Variants in PAQR5 observed in about 807,000 individuals in gnomAD.
The protein encoded by PAQR5 is membrane progestin receptor gamma.
In PAQR5, 20 loss-of-function variants were observed where a neutral mutation model predicts 34.5. The ratio of observed to expected loss-of-function variants is 0.58; its 90% CI spans 0.41 to 0.84. The LOEUF (loss-of-function observed/expected upper bound fraction) is 0.84. Ranked by LOEUF, PAQR5 falls within the 40% of genes least tolerant of loss-of-function variation. The pLI, the probability that PAQR5 is intolerant of heterozygous loss-of-function variation, is 0.00. For synonymous variants in PAQR5, 131 were observed against 155.6 expected (o/e 0.84, Z 1.18); for missense variants, 378 against 412.7 (o/e 0.92, Z 0.73).
rs974386768 is a variant in PAQR5, at chr15:69,405,859, T to A, written c.*2037T>A. 6.6e-6 allele frequency: 1 copy of A among 152,240 alleles called. No homozygotes were observed. The highest frequency in any genetic ancestry group is 2.4e-5 in the African/African-American group (1 of 41,468). 9.4% of individuals were successfully genotyped at this position (152,240 alleles called of 1,614,324 possible). A position where few individuals can be genotyped will look rare whatever the true frequency, so the allele number is the denominator to read the frequency against. ...AAGATCCAGTGTTTCATAACATTTT[T>A]ATAAGTTTGGTAAACTTTAGTCCCA... On this transcript the variant is annotated 3_prime_UTR_variant, in exon 9 of 9. Transcript: ENST00000395407.
intron 3 of PAQR5, among the ~76,000 whole-genome samples, chr15:69,378,988 G>A: frequency 6.6e-6 from 1 of 152,144 alleles, no homozygotes; most frequent in East Asian, 1.9e-4. Context: ...CACAGAAGGG[G>A]AAAACAGGTC....
chr15:69,305,734 GGTGT>G (rs2053701270), intron 1 of PAQR5, among the ~76,000 whole-genome samples: 2 of 104 alleles, frequency 0.019, no homozygotes, highest in Admixed American at 0.12. Flanking sequence ...GTGGAGTGTG[GGTGT>G]TGTTAGACGC....
chr15:69,392,994 A>G (rs2056313596), intron 6 of PAQR5, among the ~76,000 whole-genome samples: 1 of 151,740 alleles, frequency 6.6e-6, no homozygotes, highest in African/African-American at 2.4e-5. Flanking sequence ...CTCATGAAGG[A>G]TGAGAATCTC....
intron 1 of PAQR5, among the ~76,000 whole-genome samples, chr15:69,336,806 G>T (rs1029726704): frequency 6.6e-6 from 1 of 152,328 alleles, no homozygotes; most frequent in East Asian, 1.9e-4. Context: ...TGTTCCAAAA[G>T]TTATGGGAAA....
intron 3 of PAQR5, among the ~76,000 whole-genome samples, chr15:69,377,403 C>T (rs1318512487): frequency 6.6e-6 from 1 of 152,226 alleles, no homozygotes; most frequent in Non-Finnish European, 1.5e-5. Flanking sequence ...AAGATTCCTG[C>T]TGCCCGTTAC....
At chr15:69,306,976 T>C (rs2053731124) in intron 1 of PAQR5, among the ~76,000 whole-genome samples, 1 of 152,238 alleles carries the variant, frequency 6.6e-6, no homozygotes, top group African/African-American at 2.4e-5. Context: ...TCACTTAGCA[T>C]AGTGTCTTCA....
intron 1 of PAQR5, among the ~76,000 whole-genome samples, chr15:69,317,254 C>A (rs2053974566): frequency 6.6e-6 from 1 of 152,216 alleles, no homozygotes; most frequent in Non-Finnish European, 1.5e-5. Flanking sequence ...GACTCTGGAG[C>A]CCAAATGCCA....
rs149230237 is a variant in PAQR5 at position 69,331,724 on chromosome 15, G to A, written c.-276-5617G>A. On this transcript the variant is annotated intron_variant, in intron 1 of 8. Transcript: ENST00000395407. The stretch of plus-strand genomic sequence containing the variant: ...CCCCACCTGGAGTGGATCAGAAACA[G>A]GGAGCAACGGGAAAAAGTTTGAGCT... Among the ~76,000 whole-genome samples, 712 of 152,286 alleles carry A rather than the reference G, an allele frequency of 4.7e-3. 13 individuals carry two copies. The highest frequency in any genetic ancestry group is 0.016 in the African/African-American group (663 of 41,550).
At chr15:69,310,297 G>C (rs1198222181) in intron 1 of PAQR5, among the ~76,000 whole-genome samples, 1 of 152,088 alleles carries the variant, frequency 6.6e-6, no homozygotes, top group Admixed American at 6.5e-5. Flanking sequence ...GGGTATGTGC[G>C]TTTATATTTG....
At chr15:69,336,832 T>C (rs1474190469) in intron 1 of PAQR5, among the ~76,000 whole-genome samples, 1 of 152,234 alleles carries the variant, frequency 6.6e-6, no homozygotes, top group African/African-American at 2.4e-5. Context: ...ATAATTCTGA[T>C]ATGATTTAGT....
At chr15:69,397,237 A>G (rs2056466046) in intron 6 of PAQR5, 2 of 670,510 alleles carry the variant, frequency 3.0e-6, no homozygotes, top group Non-Finnish European at 5.5e-6. Flanking sequence ...ACTGCTTCCC[A>G]TGGTCAGGAG....
intron 1 of PAQR5, among the ~76,000 whole-genome samples, chr15:69,313,359 C>T (rs994442410): frequency 1.3e-5 from 2 of 152,100 alleles, no homozygotes; most frequent in African/African-American, 2.4e-5. Flanking sequence ...ATTAGCTGGG[C>T]ATGGTGGTGT....
At chr15:69,343,576 G>T (rs2054693249) in intron 2 of PAQR5, among the ~76,000 whole-genome samples, 1 of 152,198 alleles carries the variant, frequency 6.6e-6, no homozygotes, top group Admixed American at 6.5e-5. Flanking sequence ...CATTGCAGAT[G>T]AACTTAAGCC....
chr15:69,401,740 TTAAC>T (rs1172518529), intron 8 of PAQR5, among the ~76,000 whole-genome samples: 5 of 152,244 alleles, frequency 3.3e-5, no homozygotes, highest in African/African-American at 1.2e-4. Flanking sequence ...TTCTCAGTCC[TTAAC>T]TAACAGAGTC....
At chr15:69,383,450 G>A (rs1271842064) in intron 4 of PAQR5, among the ~76,000 whole-genome samples, 5 of 147,658 alleles carry the variant, frequency 3.4e-5, no homozygotes, top group African/African-American at 5.1e-5. Context: ...GAGGGTGAGC[G>A]GGCCCTCTGT....
At chr15:69,343,473 A>G (rs927541992) in intron 2 of PAQR5, among the ~76,000 whole-genome samples, 1 of 152,258 alleles carries the variant, frequency 6.6e-6, no homozygotes, top group East Asian at 1.9e-4. Flanking sequence ...ATTCCCAGGA[A>G]TATGGTCTTC....
chr15:69,314,815 T>C (rs1249460501), intron 1 of PAQR5: 1 of 152,508 alleles, frequency 6.6e-6, no homozygotes, highest in Non-Finnish European at 1.5e-5. Context: ...TTCTATGATA[T>C]ATGGCTTTGT....
At position 69,385,769 on chromosome 15, in the gene PAQR5, C is replaced by T. The variant is rs1567035323; in HGVS notation, c.385+887C>T. Reference sequence around the variant, plus strand: ...ACACTCACACAAACACACACTCATGCACTGACACACACTGACACACACACA... The same window carrying T: ...ACACTCACACAAACACACACTCATGTACTGACACACACTGACACACACACA... On this transcript the variant is annotated intron_variant, in intron 5 of 8. Coordinates refer to ENST00000395407, the MANE Select transcript of PAQR5 (RefSeq NM_017705.4). The surrounding 1 kb of genome is among the most constrained non-coding windows in gnomAD (Gnocchi z 4.7). 6.6e-6 allele frequency among the ~76,000 whole-genome samples: 1 copy of T among 151,914 alleles called. No homozygotes were observed. Among genetic ancestry groups the T allele is most frequent in the Non-Finnish European group, 1.5e-5 (1 of 67,984 alleles).
chr15:69,333,168 A>G (rs2054427388), intron 1 of PAQR5, among the ~76,000 whole-genome samples: 1 of 151,890 alleles, frequency 6.6e-6, no homozygotes, highest in Non-Finnish European at 1.5e-5. Context: ...CACACATGAG[A>G]GGCCCTAAGA....
Sources: allele counts gnomAD v4.1 joint callset (sites outside exome capture counted in the v4.1 genomes callset), GRCh38; gene constraint gnomAD v4.1.1; non-coding constraint Gnocchi (gnomAD v3.1); transcripts MANE v1.5; gene names NCBI Gene and HGNC (gene_info 2026-07-23, HGNC 2026-07-21).